The following LRP1B variants were observed in gnomAD, a reference collection of about 807,000 sequenced individuals.
The protein encoded by LRP1B is low-density lipoprotein receptor-related protein 1B.
LRP1B carries 217 observed loss-of-function variants against 556.6 expected under a neutral mutation model. The observed-to-expected ratio is 0.39, with a 90% CI of 0.35 to 0.44. The LOEUF is 0.44. Among genes scored for constraint, LRP1B ranks in the 20% least tolerant of loss-of-function variants. LRP1B has a pLI of 1.00. For synonymous variants in LRP1B, 2,047 were observed against 1,865.8 expected, an observed-to-expected ratio of 1.10 and a Z score of -2.50; for missense variants, 5,053 against 5,620.8, an observed-to-expected ratio of 0.90 and a Z score of 3.23.
chr2:142,013,624 T>A (rs2105160125), intron 1 of LRP1B, among the ~76,000 whole-genome samples: 1 of 152,132 alleles, frequency 6.6e-6, no homozygotes, highest in East Asian at 1.9e-4. Context: ...TGAAGAAGAT[T>A]AAAGAGTTAT....
intron 2 of LRP1B, among the ~76,000 whole-genome samples, chr2:141,696,805 GA>G (rs1479591890): frequency 2.0e-5 from 3 of 151,928 alleles, no homozygotes; most frequent in African/African-American, 7.2e-5. Flanking sequence ...ACTGAGAGGG[GA>G]TATGAGTGAC....
chr2:141,639,373 T>G (rs1470339218), intron 2 of LRP1B, among the ~76,000 whole-genome samples: 1 of 76,678 alleles, frequency 1.3e-5, no homozygotes, highest in Admixed American at 1.5e-4. Context: ...CATATATATA[T>G]ATACACATAT....
At chr2:140,538,357 C>T (rs74952663) in intron 45 of LRP1B, among the ~76,000 whole-genome samples, 4,919 of 152,132 alleles carry the variant, frequency 0.032, 81 homozygotes, top group African/African-American at 0.045. Context: ...GTTAATTTTT[C>T]AACCTTTGTC....
chr2:141,184,661 T>C (rs1681162083), intron 7 of LRP1B, among the ~76,000 whole-genome samples: 1 of 151,778 alleles, frequency 6.6e-6, no homozygotes, highest in Non-Finnish European at 1.5e-5. Context: ...ATAGCTCCTA[T>C]GTCACGTCAA....
At chr2:140,359,168 C>T (rs899325357) in intron 72 of LRP1B, among the ~76,000 whole-genome samples, 3 of 151,544 alleles carry the variant, frequency 2.0e-5, no homozygotes, top group Non-Finnish European at 3.0e-5. Context: ...AAAGGAAATA[C>T]GAAAGAGCCA....
intron 1 of LRP1B, among the ~76,000 whole-genome samples, chr2:142,049,161 A>G (rs2105228443): frequency 6.6e-6 from 1 of 152,224 alleles, no homozygotes; most frequent in Middle Eastern, 3.4e-3. Flanking sequence ...AAGTGTTAGT[A>G]CTAAGTGCAT....
At chr2:141,153,591 CTATA>C (rs1277104527) in intron 7 of LRP1B, among the ~76,000 whole-genome samples, 10 of 129,914 alleles carry the variant, frequency 7.7e-5, no homozygotes, top group South Asian at 6.8e-4. Flanking sequence ...TATATATTAG[CTATA>C]TATATTTATA....
chr2:140,671,242 C>A (rs912506875), intron 41 of LRP1B, among the ~76,000 whole-genome samples: 1 of 152,160 alleles, frequency 6.6e-6, no homozygotes, highest in African/African-American at 2.4e-5. Context: ...TTTTCTTGGC[C>A]GGGCGCGGTG....
intron 2 of LRP1B, among the ~76,000 whole-genome samples, chr2:141,522,789 T>C (rs1206975086): frequency 6.6e-6 from 1 of 152,102 alleles, no homozygotes; most frequent in African/African-American, 2.4e-5. Context: ...GTTTGGCAGG[T>C]TCTTTTGCCC....
intron 3 of LRP1B, among the ~76,000 whole-genome samples, chr2:141,327,046 GAT>G (rs545299078): frequency 4.6e-5 from 7 of 152,070 alleles, no homozygotes; most frequent in Non-Finnish European, 1.0e-4. Context: ...AGATAAATGA[GAT>G]GAAATTCACA....
At chr2:140,923,215 G>T in intron 20 of LRP1B, 68 bp from the exon 21 acceptor site, 2 of 1,248,366 alleles carry the variant, frequency 1.6e-6, no homozygotes, top group Non-Finnish European at 2.2e-6. Context: ...GATTTTACTT[G>T]TTGGTAGTTT....
intron 20 of LRP1B, among the ~76,000 whole-genome samples, chr2:140,926,324 C>T (rs1559198572): frequency 6.6e-6 from 1 of 151,984 alleles, no homozygotes; most frequent in Non-Finnish European, 1.5e-5. Context: ...TTCAGAATGT[C>T]ACCTATTAAT....
Position 141,784,345 on chromosome 2 carries a change from G to A in LRP1B, c.205+25934C>T, listed in dbSNP as rs114450248. ...ATATATACTTTTAAGTTTTCTTTGCGTAGGATATATGAGAAAAATCACATT... is the reference window on the plus strand; with the variant it reads ...ATATATACTTTTAAGTTTTCTTTGCATAGGATATATGAGAAAAATCACATT... On this transcript the variant is annotated intron_variant, in intron 2 of 90. Coordinates refer to ENST00000389484, the MANE Select transcript of LRP1B (RefSeq NM_018557.3). Among the ~76,000 whole-genome samples, 823 of 151,916 alleles carry A rather than the reference G, an allele frequency of 5.4e-3. 9 individuals carry two copies. The highest frequency in any genetic ancestry group is 0.019 in the African/African-American group (791 of 41,478).
chr2:140,905,092 A>T (rs1054004102), intron 22 of LRP1B, among the ~76,000 whole-genome samples: 5 of 152,098 alleles, frequency 3.3e-5, no homozygotes, highest in African/African-American at 1.2e-4. Context: ...TTACCTGACA[A>T]AGACTCTGTC....
intron 20 of LRP1B, among the ~76,000 whole-genome samples, chr2:140,928,472 A>G (rs1206469058): frequency 2.6e-5 from 4 of 152,122 alleles, no homozygotes; most frequent in African/African-American, 9.7e-5. Context: ...GACCAACTTG[A>G]ATGTTTGCAG....
In LRP1B at chr2:141,138,444, A is replaced by G. The variant is rs556326109; in HGVS notation, c.1013+49977T>C. Reference sequence around the variant, plus strand: ...GTGCCCTCAGGCAAGAAAAAGAATTAAAAGACAACCATGTTTAGAAAAGAA... The same window carrying G: ...GTGCCCTCAGGCAAGAAAAAGAATTGAAAGACAACCATGTTTAGAAAAGAA... On this transcript the variant is annotated intron_variant, in intron 7 of 90. Transcript: ENST00000389484. Among the ~76,000 whole-genome samples the G allele has an allele frequency of 3.9e-5, 6 of 152,168 alleles. No individual in the cohort carries two copies. In the South Asian group the frequency reaches 1.2e-3, roughly 31 times the overall value.
chr2:141,440,445 C>A (rs1680920149), intron 3 of LRP1B, among the ~76,000 whole-genome samples: 1 of 152,224 alleles, frequency 6.6e-6, no homozygotes, highest in South Asian at 2.1e-4. Context: ...CTGCTGGGGC[C>A]AGAGGGCGGC....
intron 2 of LRP1B, among the ~76,000 whole-genome samples, chr2:141,667,571 G>A (rs1237498192): frequency 6.6e-6 from 1 of 152,132 alleles, no homozygotes; most frequent in Non-Finnish European, 1.5e-5. Context: ...GGTAACTGGG[G>A]TAGCACAGCA....
rs12987572 is a variant in LRP1B at position 140,867,841 on chromosome 2, A to C, written c.4335-7T>G. The C allele has an allele frequency of 0.16, 238,328 of 1,514,982 alleles. 20,331 individuals carry two copies. The highest frequency in any genetic ancestry group is 0.17 in the Non-Finnish European group (194,019 of 1,130,812). 93.8% of individuals were successfully genotyped at this position (1,514,982 alleles called of 1,614,324 possible). A position where few individuals can be genotyped will look rare whatever the true frequency, so the allele number is the denominator to read the frequency against. ...TGAATAAATAGCATCTGACCTACAG[A>C]AAGATAAATACATGAGTAGTTTGTC... On this transcript the variant is annotated splice_region_variant and splice_polypyrimidine_tract_variant and intron_variant, in intron 26 of 90. Transcript: ENST00000389484.
Sources: allele counts gnomAD v4.1 joint callset (sites outside exome capture counted in the v4.1 genomes callset), GRCh38; gene constraint gnomAD v4.1.1; transcripts MANE v1.5; gene names NCBI Gene and HGNC (gene_info 2026-07-23, HGNC 2026-07-21).